Variants in B3GNT9 observed in about 807,000 individuals in gnomAD.
B3GNT9 encodes the protein BGnT-9.
For missense variants in B3GNT9, 669 were observed against 599.2 expected, an observed-to-expected ratio of 1.12 and a Z score of -1.22; for synonymous variants, 359 against 283.9, an observed-to-expected ratio of 1.26 and a Z score of -2.66.
At position 67,149,033 on chromosome 16, in the gene B3GNT9, G is replaced by A; in HGVS notation, c.*244C>T. 1 of 677,396 alleles carries A rather than the reference G, an allele frequency of 1.5e-6. No individual in the cohort carries two copies. The highest frequency in any genetic ancestry group is 3.2e-5 in the South Asian group (1 of 31,108). 42.0% of individuals were successfully genotyped at this position (677,396 alleles called of 1,614,324 possible). A position where few individuals can be genotyped will look rare whatever the true frequency, so the allele number is the denominator to read the frequency against. On this transcript the variant is annotated 3_prime_UTR_variant, in exon 2 of 2. Coordinates refer to ENST00000449549, the MANE Select transcript of B3GNT9 (RefSeq NM_033309.3). ...AGGACCAGACATATCCACTGCTCTG[G>A]GACCTGTTGGACAAGAGATGGTCAT...
rs77560733 is a variant in B3GNT9, at chr16:67,150,742, C to G, written c.-186-71G>C. ...CTCAGCTCCGGCCCAGGACTGCGAC[C>G]CAGGGCCGGGCAGGGAGACTGGGAG... On this transcript the variant is annotated intron_variant, in intron 1 of 1. Transcript: ENST00000449549. The G allele has an allele frequency of 8.0e-4, 283 of 354,186 alleles. 5 individuals are homozygous for G. In the East Asian group the frequency reaches 0.011, roughly 14 times the overall value. The allele number at this position is 354,186 out of a possible 1,614,324, so 21.9% of individuals were successfully genotyped here. A position where few individuals can be genotyped will look rare whatever the true frequency, so the allele number is the denominator to read the frequency against.
chr16:67,149,419 C>T lies in B3GNT9; in HGVS notation c.1067G>A (p.Cys356Tyr). The T allele has an allele frequency of 6.2e-7, 1 of 1,604,614 alleles. No homozygotes were observed. The highest frequency in any genetic ancestry group is 8.5e-7 in the Non-Finnish European group (1 of 1,175,574). The change falls in exon 2 of 2, where the codon TGC (cysteine) becomes TAC (tyrosine). Residue 356 changes from cysteine to tyrosine, a missense_variant. Coordinates refer to ENST00000449549, the MANE Select transcript of B3GNT9 (RefSeq NM_033309.3). ...AAPHLSTFDP[C>Y]FYRELVVVHG... ...CACTACAACCAGCTCACGGTAAAAG[C>T]AGGGGTCGAAGGTGCTCAAATGCGG...
rs1339515319 is a variant in B3GNT9, at chr16:67,149,079, G to C, written c.*198C>G. The C allele has an allele frequency of 7.6e-6, 9 of 1,181,908 alleles. No individual in the cohort carries two copies. The East Asian group carries it at 1.7e-4, about 23-fold the overall frequency. 73.2% of individuals were successfully genotyped at this position (1,181,908 alleles called of 1,614,324 possible). ...GTCATCTACCACCCAGCCTTGGCTC[G>C]CTCAAAGGGTCACCATTACACGGGT... On this transcript the variant is annotated 3_prime_UTR_variant, in exon 2 of 2. Coordinates refer to ENST00000449549, the MANE Select transcript of B3GNT9 (RefSeq NM_033309.3).
chr16:67,148,286 A>G lies in B3GNT9; in HGVS notation c.*991T>C, dbSNP rs981135322. The G allele has an allele frequency of 6.6e-6, 1 of 152,568 alleles. No individual in the cohort carries two copies. The highest frequency in any genetic ancestry group is 1.5e-5 in the Non-Finnish European group (1 of 68,042). 9.5% of individuals were successfully genotyped at this position (152,568 alleles called of 1,614,324 possible). The stretch of plus-strand genomic sequence containing the variant: ...TGCAGGGGACCTGTCTCAGGCTCCT[A>G]TATGGTTCCTGGGCCTTATAGCCAG... On this transcript the variant is annotated 3_prime_UTR_variant, in exon 2 of 2. Transcript: ENST00000449549.
At position 67,149,313 on chromosome 16, in the gene B3GNT9, C is replaced by T. The variant is rs1388179888; in HGVS notation, c.1173G>A (p.Gln391=). 4 of 1,576,482 alleles carry T rather than the reference C, an allele frequency of 2.5e-6. No homozygotes were observed. The African/African-American group carries it at 4.0e-5, about 16-fold the overall frequency. The change falls in exon 2 of 2, where the codon CAG becomes CAA. Residue 391 remains glutamine (Q), a synonymous_variant. Coordinates refer to ENST00000449549, the MANE Select transcript of B3GNT9 (RefSeq NM_033309.3). Reference sequence around the variant, plus strand: ...ATTGGAAGGGGCCTGCAGCGACAGGCTGTGGATGCGCACAGGCTGGCCCAT... The same window carrying T: ...ATTGGAAGGGGCCTGCAGCGACAGGTTGTGGATGCGCACAGGCTGGCCCAT... ...GPHGPACAHP[Q]PVAAGPFQWD...
At position 67,148,939 on chromosome 16, in the gene B3GNT9, A is replaced by T. The variant is rs1450548756; in HGVS notation, c.*338T>A. Reference sequence around the variant, plus strand: ...GTCCGCGTCAGCCTAGGGGGTTCCAAATCCAGCAGAGTGGTAGGATTCCCT... The same window carrying T: ...GTCCGCGTCAGCCTAGGGGGTTCCATATCCAGCAGAGTGGTAGGATTCCCT... On this transcript the variant is annotated 3_prime_UTR_variant, in exon 2 of 2. Transcript: ENST00000449549. 8.5e-6 allele frequency: 2 copies of T among 235,378 alleles called. No individual in the cohort carries two copies. The allele number at this position is 235,378 out of a possible 1,614,324, so 14.6% of individuals were successfully genotyped here.
rs1004027306 is a variant in B3GNT9 at position 67,149,641 on chromosome 16, G to A, written c.845C>T (p.Ala282Val). 2.5e-6 allele frequency: 4 copies of A among 1,601,438 alleles called. No homozygotes were observed. In the Admixed American group the frequency reaches 5.2e-5, roughly 21 times the overall value. Reference sequence around the variant, plus strand: ...ACCGCCGCCCGCGTAGGCCGGATAGGCGGGCAGGCCGTACACGGCCTCGGG... The same window carrying A: ...ACCGCCGCCCGCGTAGGCCGGATAGACGGGCAGGCCGTACACGGCCTCGGG... ...YIPEAVYGLP[A>V]YPAYAGGGGF... The change falls in exon 2 of 2, where the codon GCC becomes GTC. Residue 282 changes from alanine to valine, a missense_variant. Coordinates refer to ENST00000449549, the MANE Select transcript of B3GNT9 (RefSeq NM_033309.3).
rs1708138065 is a variant in B3GNT9 at position 67,150,601 on chromosome 16, A to C, written c.-116T>G. 8.1e-6 allele frequency: 7 copies of C among 862,312 alleles called. No individual in the cohort carries two copies. Among genetic ancestry groups the C allele is most frequent in the African/African-American group, 1.8e-5 (1 of 56,828 alleles). 53.4% of individuals were successfully genotyped at this position (862,312 alleles called of 1,614,324 possible). Reference sequence around the variant, plus strand: ...GAGGCCACGCCCCGGGGGGGGCTCCAGCGACCGACGGTTGAGCCCCTTGCG... The same window carrying C: ...GAGGCCACGCCCCGGGGGGGGCTCCCGCGACCGACGGTTGAGCCCCTTGCG... On this transcript the variant is annotated 5_prime_UTR_variant, in exon 2 of 2. Coordinates refer to ENST00000449549, the MANE Select transcript of B3GNT9 (RefSeq NM_033309.3).
In B3GNT9 at chr16:67,149,515, T is replaced by C. The variant is rs1035891561; in HGVS notation, c.971A>G (p.Gln324Arg). The change falls in exon 2 of 2, where the codon CAG becomes CGG. Residue 324 changes from glutamine to arginine, a missense_variant. Transcript: ENST00000449549. ...AGGCTCGGGCGTGAGCCGCAGGCGC[T>C]GCAGACACATGCCCAGAAAGACGTC... ...IDDVFLGMCL[Q>R]RLRLTPEPHP... The C allele has an allele frequency of 1.2e-6, 2 of 1,609,168 alleles. No individual in the cohort carries two copies. The highest frequency in any genetic ancestry group is 4.5e-5 in the East Asian group (2 of 44,596).
At position 67,149,340 on chromosome 16, in the gene B3GNT9, C is replaced by T. The variant is rs757863139; in HGVS notation, c.1146G>A (p.Pro382=). 87 of 1,598,100 alleles carry T rather than the reference C, an allele frequency of 5.4e-5. No homozygotes were observed. Among genetic ancestry groups the T allele is most frequent in the Non-Finnish European group, 7.2e-5 (84 of 1,172,452 alleles). The part of the protein sequence containing the change: ...IWLMWRLLHG[P]HGPACAHPQP... ...GTGGATGCGCACAGGCTGGCCCATGCGGCCCGTGCAGCAGGCGCCACATAA... is the reference window on the plus strand; with the variant it reads ...GTGGATGCGCACAGGCTGGCCCATGTGGCCCGTGCAGCAGGCGCCACATAA... The change falls in exon 2 of 2, where the codon CCG becomes CCA. Residue 382 remains proline (P), a synonymous_variant. Transcript: ENST00000449549.
Position 67,149,836 on chromosome 16 carries a change from G to C in B3GNT9, c.650C>G (p.Ala217Gly). The C allele has an allele frequency of 6.2e-7, 1 of 1,613,752 alleles. No individual in the cohort carries two copies. Among genetic ancestry groups the C allele is most frequent in the Non-Finnish European group, 8.5e-7 (1 of 1,179,726 alleles). ...KEIHFLAWAS[A>G]FCPDVRFVFK... is the part of the protein sequence containing the mutation. ...AACGAAGCGCACGTCGGGGCAGAAA[G>C]CTGAGGCCCAGGCTAGAAAGTGGAT... Residue 217 changes from alanine to glycine, a missense_variant, in exon 2 of 2, where the codon GCT becomes GGT. Physicochemically the swap from Ala to Gly is moderately conservative, Grantham distance 60 (BLOSUM62 0). Coordinates refer to ENST00000449549, the MANE Select transcript of B3GNT9 (RefSeq NM_033309.3).
In B3GNT9 at chr16:67,149,912, T is replaced by A; in HGVS notation, c.574A>T (p.Ile192Phe). ...LRAESLAYADILLWAFDDTFF... is the reference protein window; with the variant it reads ...LRAESLAYADFLLWAFDDTFF... Reference sequence around the variant, plus strand: ...GTGTCGTCGAAGGCCCAGAGCAGGATGTCCGCATACGCAAGGCTCTCGGCC... The same window carrying A: ...GTGTCGTCGAAGGCCCAGAGCAGGAAGTCCGCATACGCAAGGCTCTCGGCC... Residue 192 changes from isoleucine (I) to phenylalanine (F), a missense_variant, in exon 2 of 2, where the codon ATC becomes TTC. Physicochemically the swap from Ile to Phe is conservative, Grantham distance 21. Transcript: ENST00000449549. 1 of 1,605,008 alleles carries A rather than the reference T, an allele frequency of 6.2e-7. No individual in the cohort carries two copies. The highest frequency in any genetic ancestry group is 8.5e-7 in the Non-Finnish European group (1 of 1,175,856).
In B3GNT9 at chr16:67,149,483, C is replaced by T. The variant is rs756550818; in HGVS notation, c.1003G>A (p.Ala335Thr). Reference protein sequence around the residue: ...RLRLTPEPHPAFRTFGIPQPS... With the variant: ...RLRLTPEPHPTFRTFGIPQPS... ...TGGGGGATGCCAAAGGTGCGGAAGG[C>T]AGGGTGAGGCTCGGGCGTGAGCCGC... Residue 335 changes from alanine to threonine, a missense_variant, in exon 2 of 2, where the codon GCC becomes ACC. Coordinates refer to ENST00000449549, the MANE Select transcript of B3GNT9 (RefSeq NM_033309.3). The T allele has an allele frequency of 3.7e-6, 6 of 1,608,820 alleles. No homozygotes were observed. The highest frequency in any genetic ancestry group is 5.1e-6 in the Non-Finnish European group (6 of 1,177,766).
chr16:67,149,004 T>C lies in B3GNT9; in HGVS notation c.*273A>G. Reference sequence around the variant, plus strand: ...ACACCAGAACACACCTCTGTGCTACTAGGAGGACCAGACATATCCACTGCT... The same window carrying C: ...ACACCAGAACACACCTCTGTGCTACCAGGAGGACCAGACATATCCACTGCT... On this transcript the variant is annotated 3_prime_UTR_variant, in exon 2 of 2. Coordinates refer to ENST00000449549, the MANE Select transcript of B3GNT9 (RefSeq NM_033309.3). 1 of 455,762 alleles carries C rather than the reference T, an allele frequency of 2.2e-6. No individual in the cohort carries two copies. The highest frequency in any genetic ancestry group is 3.6e-6 in the Non-Finnish European group (1 of 280,900). 28.2% of individuals were successfully genotyped at this position (455,762 alleles called of 1,614,324 possible).
Position 67,150,588 on chromosome 16 carries a change from C to A in B3GNT9, c.-103G>T. The A allele has an allele frequency of 1.0e-6, 1 of 998,710 alleles. No homozygotes were observed. The highest frequency in any genetic ancestry group is 1.3e-6 in the Non-Finnish European group (1 of 773,774). The allele number at this position is 998,710 out of a possible 1,614,324, so 61.9% of individuals were successfully genotyped here. The stretch of plus-strand genomic sequence containing the variant: ...GCTGAGGGGGCGGGAGGCCACGCCC[C>A]GGGGGGGGCTCCAGCGACCGACGGT... On this transcript the variant is annotated 5_prime_UTR_variant, in exon 2 of 2. Transcript: ENST00000449549.
rs1235812165 is a variant in B3GNT9, at chr16:67,149,880, A to G, written c.606T>C (p.Phe202=). The G allele has an allele frequency of 1.9e-6, 3 of 1,611,532 alleles. No individual in the cohort carries two copies. The highest frequency in any genetic ancestry group is 1.1e-5 in the South Asian group (1 of 90,752). The part of the protein sequence containing the change: ...ILLWAFDDTF[F]NLTLKEIHFL... ...AGTGGATCTCCTTGAGCGTTAGGTT[A>G]AAAAAGGTGTCGTCGAAGGCCCAGA... The change falls in exon 2 of 2, where the codon TTT becomes TTC. Residue 202 remains phenylalanine, a synonymous_variant. Transcript: ENST00000449549.
In B3GNT9 at chr16:67,150,179, G is replaced by T; in HGVS notation, c.307C>A (p.Pro103Thr). The T allele has an allele frequency of 6.4e-7, 1 of 1,556,586 alleles. No homozygotes were observed. Among genetic ancestry groups the T allele is most frequent in the Non-Finnish European group, 8.7e-7 (1 of 1,154,918 alleles). ...GCGCCGTCGCCGCGGCACTTGTGCGGCTGGTTAATGAGCAGTGGAAACCGC... is the reference window on the plus strand; with the variant it reads ...GCGCCGTCGCCGCGGCACTTGTGCGTCTGGTTAATGAGCAGTGGAAACCGC... The part of the protein sequence containing the change: ...QRRFPLLINQ[P>T]HKCRGDGAPG... Residue 103 changes from proline to threonine, a missense_variant, in exon 2 of 2, where the codon CCG becomes ACG. Pro to Thr is a conservative substitution (Grantham distance 38). Coordinates refer to ENST00000449549, the MANE Select transcript of B3GNT9 (RefSeq NM_033309.3).
In B3GNT9 at chr16:67,150,054, G is replaced by A. The variant is rs1355589177; in HGVS notation, c.432C>T (p.Arg144=). ...AVRQTWGAEG[R]VQGALVRRVF... ...CGCGGCGCACCAGCGCCCCCTGCAC[G>A]CGACCCTCCGCGCCCCACGTCTGGC... Residue 144 remains arginine, a synonymous_variant, in exon 2 of 2, where the codon CGC becomes CGT. Coordinates refer to ENST00000449549, the MANE Select transcript of B3GNT9 (RefSeq NM_033309.3). 6.7e-7 allele frequency: 1 copy of A among 1,488,226 alleles called. No individual in the cohort carries two copies. The highest frequency in any genetic ancestry group is 8.9e-7 in the Non-Finnish European group (1 of 1,121,998). The allele number at this position is 1,488,226 out of a possible 1,614,324, so 92.2% of individuals were successfully genotyped here. A position where few individuals can be genotyped will look rare whatever the true frequency, so the allele number is the denominator to read the frequency against.
In B3GNT9 at chr16:67,149,599, C is replaced by A. The variant is rs937670169; in HGVS notation, c.887G>T (p.Gly296Val). Residue 296 changes from glycine (G) to valine (V), a missense_variant, in exon 2 of 2, where the codon GGG (glycine) becomes GTG (valine). By Grantham distance (109) the Gly-to-Val change is moderately radical. Transcript: ENST00000449549. ...GCCAGCCAGGCGGTGCAGCGTGGCC[C>A]CGGAAAGCACAAAGCCACCGCCGCC... is the stretch of plus-strand genomic sequence containing the variant. ...YAGGGGFVLS[G>V]ATLHRLAGAC... 4 of 1,598,850 alleles carry A rather than the reference C, an allele frequency of 2.5e-6. No individual in the cohort carries two copies. The African/African-American group carries it at 5.4e-5, about 21-fold the overall frequency.
Sources: allele counts gnomAD v4.1 joint callset, GRCh38; gene constraint gnomAD v4.1.1; transcripts MANE v1.5; gene names NCBI Gene and HGNC (gene_info 2026-07-23, HGNC 2026-07-21).